The following TMEM204 variants were observed in gnomAD, a reference collection of about 807,000 sequenced individuals.
TMEM204 encodes the protein claudin-like protein 24.
A neutral mutation model predicts 19.4 loss-of-function variants in TMEM204; 15 were observed. The observed-to-expected ratio is 0.77, with a 90% CI of 0.52 to 1.19. The LOEUF (loss-of-function observed/expected upper bound fraction) is 1.19. Ranked by LOEUF, TMEM204 falls within the 50% of genes most tolerant of loss-of-function variation. The pLI, the probability that TMEM204 is intolerant of heterozygous loss-of-function variation, is 0.00. For missense variants in TMEM204, 287 were observed against 321.2 expected (o/e 0.89, Z 0.81); for synonymous variants, 161 against 146.0 (o/e 1.10, Z -0.74).
upstream of TMEM204, among the ~76,000 whole-genome samples, chr16:1,529,857 T>A (rs932231560): frequency 2.6e-5 from 4 of 152,290 alleles, no homozygotes; most frequent in South Asian, 6.2e-4. Flanking sequence ...CTGGGCCTCA[T>A]CCGTCAGCAA....
chr16:1,544,840 G>T (rs902560027), intron 2 of TMEM204, among the ~76,000 whole-genome samples: 13 of 151,526 alleles, frequency 8.6e-5, no homozygotes, highest in African/African-American at 1.2e-4. Context: ...AGTAGAGACG[G>T]GGTTTCACCG....
At chr16:1,529,084 C>T (rs773627226), upstream of TMEM204, among the ~76,000 whole-genome samples, 21 of 152,336 alleles carry the variant, frequency 1.4e-4, no homozygotes, top group Middle Eastern at 6.8e-3. Context: ...GTGGCTGCAA[C>T]GCGGCATACC....
chr16:1,540,893 C>T (rs1196072936), intron 1 of TMEM204: 1 of 985,300 alleles, frequency 1.0e-6, no homozygotes, highest in African/African-American at 1.7e-5. Flanking sequence ...ACATGCAGTC[C>T]CTGACTCCAG....
chr16:1,532,474 A>T (rs1008045657), upstream of TMEM204: 6 of 152,410 alleles, frequency 3.9e-5, no homozygotes, highest in Middle Eastern at 3.4e-3. Context: ...CTGTGGATAT[A>T]CAGAGCCACA....
intron 1 of TMEM204, 135 bp from the exon 2 acceptor site, chr16:1,541,786 A>C: frequency 9.2e-7 from 1 of 1,087,242 alleles, no homozygotes; most frequent in Non-Finnish European, 1.3e-6. Context: ...TCCCGAAGCC[A>C]CTGCCCAATG....
upstream of TMEM204, among the ~76,000 whole-genome samples, chr16:1,529,637 C>T (rs549254502): frequency 5.2e-5 from 8 of 152,390 alleles, no homozygotes; most frequent in South Asian, 2.1e-4. Context: ...TCCTCTAGAG[C>T]TCCAGGCAGG....
In TMEM204 at chr16:1,553,817, G is replaced by C; in HGVS notation, c.437-965G>C. ...GAGCCTATGTTTCCAGCTGGATTAG[G>C]ACGCCCGGCTCCATCGCTGCGGCCA... On this transcript the variant is annotated intron_variant, in intron 2 of 2. Transcript: ENST00000566264. The surrounding 1 kb of genome is among the most constrained non-coding windows in gnomAD (Gnocchi z 4.4). 7 of 1,203,066 alleles carry C rather than the reference G, an allele frequency of 5.8e-6. No homozygotes were observed. The highest frequency in any genetic ancestry group is 7.4e-6 in the Non-Finnish European group (7 of 948,318). The allele number at this position is 1,203,066 out of a possible 1,614,324, so 74.5% of individuals were successfully genotyped here.
intron 2 of TMEM204, among the ~76,000 whole-genome samples, chr16:1,546,130 A>C (rs2032151950): frequency 6.6e-6 from 1 of 152,134 alleles, no homozygotes; most frequent in African/African-American, 2.4e-5. Flanking sequence ...ACGGGCAGAG[A>C]GGGAAAGGAG....
At chr16:1,542,158 G>C (rs968758890) in intron 2 of TMEM204, 82 bp downstream of exon 2, 79 of 1,414,012 alleles carry the variant, frequency 5.6e-5, no homozygotes, top group Non-Finnish European at 2.0e-5. Flanking sequence ...GAGGCCTTGG[G>C]TGGCCTGGGG....
At position 1,554,996 on chromosome 16, in the gene TMEM204, G is replaced by C. The variant is rs2032974653; in HGVS notation, c.651G>C (p.Leu217=). The part of the protein sequence containing the change: ...RSLTARFRRG[L]DNDYVESPC Reference sequence around the variant, plus strand: ...TGACAGCGCGCTTTCGCCGTGGGCTGGACAATGACTACGTGGAGTCACCAT... The same window carrying C: ...TGACAGCGCGCTTTCGCCGTGGGCTCGACAATGACTACGTGGAGTCACCAT... Residue 217 remains leucine (L), a synonymous_variant, in exon 3 of 3, where the codon CTG becomes CTC. Transcript: ENST00000566264. The C allele has an allele frequency of 6.2e-7, 1 of 1,613,146 alleles. No individual in the cohort carries two copies. Among genetic ancestry groups the C allele is most frequent in the East Asian group, 2.2e-5 (1 of 44,874 alleles).
chr16:1,551,320 G>A lies in TMEM204; in HGVS notation c.437-3462G>A, dbSNP rs776316091. On this transcript the variant is annotated intron_variant, in intron 2 of 2. Coordinates refer to ENST00000566264, the MANE Select transcript of TMEM204 (RefSeq NM_024600.6). The surrounding 1 kb of genome is among the most constrained non-coding windows in gnomAD (Gnocchi z 4.0). ...CAGGTGCAACTCTAAGCCGAGGCCC[G>A]AAGGATCAGCAGCAGGAGGGGCCCC... Among the ~76,000 whole-genome samples, 32 of 152,192 alleles carry A rather than the reference G, an allele frequency of 2.1e-4. No homozygotes were observed. Among genetic ancestry groups the A allele is most frequent in the Non-Finnish European group, 2.9e-4 (20 of 68,002 alleles).
chr16:1,552,648 CTTTTTTT>C (rs11409894), intron 2 of TMEM204, among the ~76,000 whole-genome samples: 2 of 127,586 alleles, frequency 1.6e-5, no homozygotes, highest in South Asian at 2.5e-4. Flanking sequence ...AAAGAGAATG[CTTTTTTT>C]TTTTTTTTTT....
intron 1 of TMEM204, among the ~76,000 whole-genome samples, chr16:1,538,116 G>C (rs2031258461): frequency 6.6e-6 from 1 of 152,226 alleles, no homozygotes; most frequent in Non-Finnish European, 1.5e-5. Context: ...AGCTTTCTTG[G>C]GGCAGGCGGG....
intron 1 of TMEM204, 26 bp downstream of exon 1, chr16:1,534,581 C>T (rs763045004): frequency 6.3e-7 from 1 of 1,598,068 alleles, no homozygotes; most frequent in Non-Finnish European, 8.5e-7. Flanking sequence ...TTCCTGATGC[C>T]TTCAGCGTGG....
chr16:1,555,382 A>G lies in TMEM204; in HGVS notation c.*356A>G, dbSNP rs903876812. ...ATTAATTTATTCTGCATCTGCTGAGAGGGGCACCCCAGCCATATCTTACAC... is the reference window on the plus strand; with the variant it reads ...ATTAATTTATTCTGCATCTGCTGAGGGGGGCACCCCAGCCATATCTTACAC... On this transcript the variant is annotated 3_prime_UTR_variant, in exon 3 of 3. Transcript: ENST00000566264. The G allele has an allele frequency of 7.5e-5, 18 of 238,772 alleles. No individual in the cohort carries two copies. The highest frequency in any genetic ancestry group is 1.3e-4 in the Non-Finnish European group (16 of 122,328). 14.8% of individuals were successfully genotyped at this position (238,772 alleles called of 1,614,324 possible). A position where few individuals can be genotyped will look rare whatever the true frequency, so the allele number is the denominator to read the frequency against.
At chr16:1,537,974 C>T (rs2141259305) in intron 1 of TMEM204, among the ~76,000 whole-genome samples, 1 of 152,370 alleles carries the variant, frequency 6.6e-6, no homozygotes, top group Admixed American at 6.5e-5. Flanking sequence ...CCCAGCTGAA[C>T]CACGTTCTCA....
chr16:1,541,071 C>T (rs1219838713), intron 1 of TMEM204: 34 of 985,316 alleles, frequency 3.5e-5, no homozygotes, highest in South Asian at 4.7e-5. Context: ...GGGCAACAAA[C>T]GCACCTCCCT....
At chr16:1,539,690 G>A (rs898161570) in intron 1 of TMEM204, among the ~76,000 whole-genome samples, 1 of 152,260 alleles carries the variant, frequency 6.6e-6, no homozygotes, top group African/African-American at 2.4e-5. Context: ...GCTCACTGGG[G>A]TGTCTGTTTT....
chr16:1,545,048 C>A (rs558001894), intron 2 of TMEM204, among the ~76,000 whole-genome samples: 28 of 152,236 alleles, frequency 1.8e-4, no homozygotes, highest in Non-Finnish European at 3.8e-4. Context: ...TTACTTCCTG[C>A]AAAATCTTAT....
Sources: gnomAD v4.1 joint callset for allele counts (sites outside exome capture counted in the v4.1 genomes callset) on GRCh38, gnomAD v4.1.1 for gene constraint, Gnocchi (gnomAD v3.1) non-coding constraint, MANE v1.5 for transcripts, NCBI Gene and HGNC (gene_info 2026-07-23, HGNC 2026-07-21) for gene names.